Variants in CLMN observed in about 807,000 individuals in gnomAD.
CLMN encodes calmin (calponin-like, transmembrane).
A neutral mutation model predicts 92.7 loss-of-function variants in CLMN; 57 were observed. That is an observed-to-expected ratio of 0.61 (90% CI 0.50 to 0.77). The LOEUF (loss-of-function observed/expected upper bound fraction) is 0.77, where lower values mean the gene tolerates loss of function less well. CLMN is among the 30% of genes least tolerant of loss of function. The pLI is 0.00. For synonymous variants in CLMN, 466 were observed against 470.6 expected, an observed-to-expected ratio of 0.99 and a Z score of 0.13; for missense variants, 1,158 against 1,237.5, an observed-to-expected ratio of 0.94 and a Z score of 0.96.
At chr14:95,274,046 C>A (rs1899822656) in intron 1 of CLMN, among the ~76,000 whole-genome samples, 1 of 152,218 alleles carries the variant, frequency 6.6e-6, no homozygotes, top group African/African-American at 2.4e-5. Flanking sequence ...ATGTAGTTCT[C>A]AGTGTCATTA....
chr14:95,194,083 A>G lies in CLMN; in HGVS notation c.2770-164T>C. On this transcript the variant is annotated intron_variant, in intron 11 of 12. Coordinates refer to ENST00000298912, the MANE Select transcript of CLMN (RefSeq NM_024734.4). This position sits in a 1 kb window ranked among gnomAD's most constrained non-coding sequence, Gnocchi z 4.0. ...AAAATCAAAGTGCTAAACAATATAC[A>G]TTCCTCTACCTCCTCCCCTAAGCCC... 1.3e-5 allele frequency: 19 copies of G among 1,439,596 alleles called. No homozygotes were observed. Among genetic ancestry groups the G allele is most frequent in the Non-Finnish European group, 1.6e-5 (18 of 1,103,062 alleles). 89.2% of individuals were successfully genotyped at this position (1,439,596 alleles called of 1,614,324 possible).
At chr14:95,197,408 AG>A (rs375980572) in intron 9 of CLMN, among the ~76,000 whole-genome samples, 2,161 of 150,468 alleles carry the variant, frequency 0.014, 61 homozygotes, top group African/African-American at 0.051. Context: ...AAAGAAAAAA[AG>A]AAAGAAAGAA....
At chr14:95,314,592 A>C (rs1488020361) in intron 1 of CLMN, among the ~76,000 whole-genome samples, 2 of 152,166 alleles carry the variant, frequency 1.3e-5, no homozygotes, top group Admixed American at 1.3e-4. Flanking sequence ...ATTTTTCAGA[A>C]TCTCACAGCG....
chr14:95,232,800 C>T (rs1897931273), intron 1 of CLMN, among the ~76,000 whole-genome samples: 1 of 152,154 alleles, frequency 6.6e-6, no homozygotes, highest in South Asian at 2.1e-4. Context: ...AATATGGATC[C>T]ACTTTATTCT....
At chr14:95,210,941 G>C in intron 6 of CLMN, 62 bp from the exon 7 acceptor site, 1 of 1,468,990 alleles carries the variant, frequency 6.8e-7, no homozygotes, top group East Asian at 2.6e-5. Context: ...AAAGGTGCAA[G>C]GTCAGCATGC....
At position 95,258,732 on chromosome 14, in the gene CLMN, G is replaced by GT. The variant is rs147007634; in HGVS notation, c.83-28600dup. On this transcript the variant is annotated intron_variant, in intron 1 of 12. Transcript: ENST00000298912. ...GTGTGTTTGTGTGTGGTATGTGTAT[G>GT]TATCTGTGGTGTGTGTGTGGTATGT... Among the ~76,000 whole-genome samples, 200 of 146,930 alleles carry GT rather than the reference G, an allele frequency of 1.4e-3. 3 individuals are homozygous for GT. The highest frequency in any genetic ancestry group is 4.6e-3 in the African/African-American group (180 of 39,270).
intron 1 of CLMN, among the ~76,000 whole-genome samples, chr14:95,292,689 A>T (rs1295975309): frequency 3.3e-5 from 5 of 151,982 alleles, no homozygotes; most frequent in Non-Finnish European, 5.9e-5. Context: ...GAGGGTGGGG[A>T]CCATTATGCT....
intron 1 of CLMN, among the ~76,000 whole-genome samples, chr14:95,258,216 TGTGGTGTGC>T (rs1899084863): frequency 6.6e-6 from 1 of 151,594 alleles, no homozygotes; most frequent in South Asian, 2.1e-4. Context: ...ATGTGGTGTG[TGTGGTGTGC>T]ATGGTGTGTA....
chr14:95,196,382 T>G, intron 10 of CLMN, 116 bp downstream of exon 10: 1 of 1,015,730 alleles, frequency 9.8e-7, no homozygotes. Context: ...TGAAGCTGTA[T>G]TTCCCTTGCT....
intron 1 of CLMN, among the ~76,000 whole-genome samples, chr14:95,253,977 C>T (rs2140684149): frequency 6.6e-6 from 1 of 152,294 alleles, no homozygotes; most frequent in South Asian, 2.1e-4. Flanking sequence ...CTGGAGAAGC[C>T]TGGGAATCTG....
At chr14:95,251,504 G>C (rs948496078) in intron 1 of CLMN, among the ~76,000 whole-genome samples, 3 of 152,138 alleles carry the variant, frequency 2.0e-5, no homozygotes, top group African/African-American at 7.2e-5. Context: ...AATCAAAAAG[G>C]TCATTGTATA....
At chr14:95,313,114 G>A (rs1317337774) in intron 1 of CLMN, among the ~76,000 whole-genome samples, 1 of 152,204 alleles carries the variant, frequency 6.6e-6, no homozygotes, top group Non-Finnish European at 1.5e-5. Context: ...GCTAAAGCAG[G>A]AGAATTGCTT....
At chr14:95,242,412 C>A (rs577905160) in intron 1 of CLMN, among the ~76,000 whole-genome samples, 1 of 151,638 alleles carries the variant, frequency 6.6e-6, no homozygotes, top group Non-Finnish European at 1.5e-5. Context: ...GCATGCACCG[C>A]CATGCCTGGC....
intron 1 of CLMN, among the ~76,000 whole-genome samples, chr14:95,238,919 A>G (rs898807539): frequency 6.6e-6 from 1 of 152,206 alleles, no homozygotes; most frequent in Non-Finnish European, 1.5e-5. Context: ...GCTAGTCCCA[A>G]TTACACACCA....
rs148836979 is a variant in CLMN at position 95,213,355 on chromosome 14, G to A, written c.472C>T (p.Pro158Ser). The A allele has an allele frequency of 3.7e-6, 6 of 1,613,062 alleles. No homozygotes were observed. Among genetic ancestry groups the A allele is most frequent in the Non-Finnish European group, 5.1e-6 (6 of 1,179,662 alleles). ...SRNSPSSSLS[P>S]GSGGTDSDSS... ...TCTGAGTCTGTGCCCCCTGAGCCAG[G>A]GGACAAGCTGGAAGATGGAGAGTTT... The change falls in exon 6 of 13, where the codon CCT becomes TCT. Residue 158 changes from proline (P) to serine (S), a missense_variant. Pro to Ser is a moderately conservative substitution (Grantham distance 74, BLOSUM62 -1). Transcript: ENST00000298912.
At chr14:95,266,376 T>G (rs1899475494) in intron 1 of CLMN, among the ~76,000 whole-genome samples, 1 of 152,084 alleles carries the variant, frequency 6.6e-6, no homozygotes, top group Non-Finnish European at 1.5e-5. Context: ...AAAACCAACA[T>G]ACAAAAATCA....
At chr14:95,274,534 C>T (rs549834012) in intron 1 of CLMN, among the ~76,000 whole-genome samples, 14 of 152,300 alleles carry the variant, frequency 9.2e-5, no homozygotes, top group South Asian at 4.1e-4. Flanking sequence ...AGGTTCCTGG[C>T]ACCTGGCCCT....
At position 95,193,176 on chromosome 14, in the gene CLMN, C is replaced by T. The variant is rs1422006186; in HGVS notation, c.2840+673G>A. The T allele has an allele frequency of 3.7e-5, 22 of 591,516 alleles. No homozygotes were observed. In the South Asian group the frequency reaches 4.8e-4, roughly 13 times the overall value. The allele number at this position is 591,516 out of a possible 1,614,324, so 36.6% of individuals were successfully genotyped here. On this transcript the variant is annotated intron_variant, in intron 12 of 12. Coordinates refer to ENST00000298912, the MANE Select transcript of CLMN (RefSeq NM_024734.4). ...AAAATAAAAACATAATAAAGCAACT[C>T]TATGACTTCAACAGGAATGGGGACG...
intron 1 of CLMN, among the ~76,000 whole-genome samples, chr14:95,245,253 TAA>T (rs1491541978): frequency 1.3e-4 from 4 of 29,874 alleles, no homozygotes; most frequent in Admixed American, 4.8e-4. Flanking sequence ...TATATATATA[TAA>T]TATATATATA....
Sources: allele counts gnomAD v4.1 joint callset (sites outside exome capture counted in the v4.1 genomes callset), GRCh38; gene constraint gnomAD v4.1.1; non-coding constraint Gnocchi (gnomAD v3.1); transcripts MANE v1.5; gene names NCBI Gene and HGNC (gene_info 2026-07-23, HGNC 2026-07-21).